DCC: variants seen among roughly 807,000 people sequenced by gnomAD.
DCC encodes netrin receptor DCC.
In DCC, 58 loss-of-function variants were observed where a neutral mutation model predicts 172.5. The observed-to-expected ratio is 0.34, with a 90% CI of 0.27 to 0.42. The LOEUF is 0.42. Among genes scored for constraint, DCC ranks in the 10% least tolerant of loss-of-function variants. The pLI is 1.00. For synonymous variants in DCC, 709 were observed against 644.5 expected (o/e 1.10, Z -1.52); for missense variants, 1,740 against 1,791.0 (o/e 0.97, Z 0.51).
Position 53,060,009 on chromosome 18 carries a change from A to ATTT in DCC, c.986-3286_986-3284dup, listed in dbSNP as rs556823473. On this transcript the variant is annotated intron_variant, in intron 5 of 28. Transcript: ENST00000442544. The stretch of plus-strand genomic sequence containing the variant: ...TTCAGAAAACATGAGACTTAGACTC[A>ATTT]TTTTTTTTTTTTAAGACAGAGCCTT... Among the ~76,000 whole-genome samples, 371 of 146,450 alleles carry ATTT rather than the reference A, an allele frequency of 2.5e-3. 1 individual carries two copies. Among genetic ancestry groups the ATTT allele is most frequent in the Non-Finnish European group, 3.6e-3 (238 of 66,144 alleles).
chr18:53,397,595 C>A, intron 18 of DCC, 149 bp downstream of exon 18: 4 of 834,882 alleles, frequency 4.8e-6, no homozygotes, highest in Non-Finnish European at 7.6e-6. Flanking sequence ...ACTTTTATAT[C>A]TAAGAGTATT....
At chr18:52,402,412 A>T (rs530852476) in intron 1 of DCC, among the ~76,000 whole-genome samples, 3 of 152,002 alleles carry the variant, frequency 2.0e-5, no homozygotes, top group Admixed American at 1.3e-4. Flanking sequence ...ATAACAGTTC[A>T]TTTTACTCAT....
rs540231846 is a variant in DCC at position 52,950,850 on chromosome 18, G to A, written c.985+25480G>A. ...TGTGGCAAGAGAATGGCGTGAACCC[G>A]GGAGGCGGAGCTTGCAGTGAGCCGA... On this transcript the variant is annotated intron_variant, in intron 5 of 28. Coordinates refer to ENST00000442544, the MANE Select transcript of DCC (RefSeq NM_005215.4). 2.2e-3 allele frequency among the ~76,000 whole-genome samples: 319 copies of A among 143,078 alleles called. 4 individuals carry two copies. Among genetic ancestry groups the A allele is most frequent in the African/African-American group, 7.9e-3 (309 of 39,132 alleles). 93.9% of individuals were successfully genotyped at this position (143,078 alleles called of 152,430 possible).
At chr18:53,136,129 A>C (rs1443176054) in intron 7 of DCC, among the ~76,000 whole-genome samples, 1 of 151,996 alleles carries the variant, frequency 6.6e-6, no homozygotes, top group African/African-American at 2.4e-5. Flanking sequence ...GTAAAAAAAA[A>C]ATTGGATGTG....
intron 2 of DCC, among the ~76,000 whole-genome samples, chr18:52,770,379 C>T (rs2037320719): frequency 6.6e-6 from 1 of 152,216 alleles, no homozygotes; most frequent in Admixed American, 6.5e-5. Context: ...TTTCTCTGAG[C>T]TATCTGTTGA....
At chr18:53,402,758 A>C in intron 18 of DCC, 28 bp from the exon 19 acceptor site, 2 of 1,443,456 alleles carry the variant, frequency 1.4e-6, no homozygotes, top group Non-Finnish European at 2.0e-6. Context: ...ATCCAATGAC[A>C]AGGCCTTATC....
At chr18:53,506,311 G>C (rs1195908113) in intron 27 of DCC, among the ~76,000 whole-genome samples, 1 of 152,146 alleles carries the variant, frequency 6.6e-6, no homozygotes, top group Admixed American at 6.5e-5. Flanking sequence ...TTGTAAGTTT[G>C]TAAGGATTAG....
At chr18:53,474,276 A>C (rs1248949954) in intron 25 of DCC, among the ~76,000 whole-genome samples, 1 of 152,230 alleles carries the variant, frequency 6.6e-6, no homozygotes, top group Admixed American at 6.5e-5. Flanking sequence ...CAATGCAGCA[A>C]TAAAAATAAA....
chr18:53,402,107 C>G (rs1268584706), intron 18 of DCC, among the ~76,000 whole-genome samples: 1 of 151,968 alleles, frequency 6.6e-6, no homozygotes, highest in Non-Finnish European at 1.5e-5. Context: ...AACTTTTTGG[C>G]TTTTAAGGAA....
At chr18:52,395,405 GT>G (rs1000819166) in intron 1 of DCC, among the ~76,000 whole-genome samples, 6 of 151,882 alleles carry the variant, frequency 4.0e-5, no homozygotes, top group Admixed American at 2.0e-4. Context: ...TGTGGGTTTG[GT>G]TTTTTTTGTA....
intron 2 of DCC, among the ~76,000 whole-genome samples, chr18:52,844,288 A>C (rs1468441664): frequency 6.8e-6 from 1 of 147,462 alleles, no homozygotes; most frequent in Non-Finnish European, 1.5e-5. Context: ...AAGAAGGATG[A>C]TTGATTGATA....
intron 9 of DCC, among the ~76,000 whole-genome samples, chr18:53,196,622 C>T (rs990535275): frequency 2.0e-5 from 3 of 152,012 alleles, no homozygotes; most frequent in Non-Finnish European, 2.9e-5. Context: ...AATATCTAAG[C>T]ATATACATAT....
intron 2 of DCC, among the ~76,000 whole-genome samples, chr18:52,864,985 C>T (rs145566013): frequency 0.021 from 3,177 of 152,190 alleles, 58 homozygotes; most frequent in Admixed American, 0.04. Context: ...CCTGCCTCAG[C>T]CTCCTGAGTA....
rs144716685 is a variant in DCC, at chr18:52,655,130, T to C, written c.92-96924T>C. Among the ~76,000 whole-genome samples, 899 of 151,800 alleles carry C rather than the reference T, an allele frequency of 5.9e-3. 10 individuals are homozygous for C. Among genetic ancestry groups the C allele is most frequent in the South Asian group, 0.012 (57 of 4,804 alleles). ...AGTCATTCTGCCTTTATTTATGTATTTTTTTTTAAGAGAGAAGAGGGGAAC... is the reference window on the plus strand; with the variant it reads ...AGTCATTCTGCCTTTATTTATGTATCTTTTTTTAAGAGAGAAGAGGGGAAC... On this transcript the variant is annotated intron_variant, in intron 1 of 28. Coordinates refer to ENST00000442544, the MANE Select transcript of DCC (RefSeq NM_005215.4).
intron 1 of DCC, among the ~76,000 whole-genome samples, chr18:52,404,752 G>A (rs372027977): frequency 0.022 from 3,267 of 150,706 alleles, 55 homozygotes; most frequent in Admixed American, 0.035. Flanking sequence ...ATGCTGGTGC[G>A]CTGCACCCAC....
At chr18:52,787,491 G>A (rs2037682158) in intron 2 of DCC, among the ~76,000 whole-genome samples, 1 of 152,070 alleles carries the variant, frequency 6.6e-6, no homozygotes, top group African/African-American at 2.4e-5. Context: ...ATGATTGATA[G>A]CATATACTCA....
At chr18:53,315,767 A>G (rs2057336352) in intron 13 of DCC, among the ~76,000 whole-genome samples, 1 of 151,384 alleles carries the variant, frequency 6.6e-6, no homozygotes, top group African/African-American at 2.4e-5. Context: ...CTTCTTTTGT[A>G]GTAGTATTGT....
At chr18:52,557,284 C>T (rs966609803) in intron 1 of DCC, among the ~76,000 whole-genome samples, 3 of 152,116 alleles carry the variant, frequency 2.0e-5, no homozygotes, top group Non-Finnish European at 2.9e-5. Flanking sequence ...TTAAATGTTG[C>T]GTCCCATTAT....
intron 1 of DCC, among the ~76,000 whole-genome samples, chr18:52,548,081 A>G (rs1019029433): frequency 6.6e-6 from 1 of 152,170 alleles, no homozygotes; most frequent in African/African-American, 2.4e-5. Flanking sequence ...GGATCAGAAT[A>G]TCTAAAACCT....
Sources: allele counts gnomAD v4.1 joint callset (sites outside exome capture counted in the v4.1 genomes callset), GRCh38; gene constraint gnomAD v4.1.1; transcripts MANE v1.5; gene names NCBI Gene and HGNC (gene_info 2026-07-23, HGNC 2026-07-21).